Variants in ATRNL1 observed in about 807,000 individuals in gnomAD.
The protein encoded by ATRNL1 is attractin like 1.
ATRNL1 carries 95 observed loss-of-function variants against 182.7 expected under a neutral mutation model. The ratio of observed to expected loss-of-function variants is 0.52; its 90% CI spans 0.44 to 0.62. The LOEUF is 0.62. ATRNL1 is among the 20% of genes least tolerant of loss of function. ATRNL1 has a pLI of 0.00. For missense variants in ATRNL1, 1,471 were observed against 1,679.5 expected, an observed-to-expected ratio of 0.88 and a Z score of 2.17; for synonymous variants, 576 against 568.3, an observed-to-expected ratio of 1.01 and a Z score of -0.19.
At chr10:115,213,991 CTTG>C (rs1849127680) in intron 8 of ATRNL1, among the ~76,000 whole-genome samples, 2 of 151,342 alleles carry the variant, frequency 1.3e-5, no homozygotes, top group African/African-American at 4.8e-5. Flanking sequence ...CCCCAAATGT[CTTG>C]TTAAGTGAAA....
chr10:115,879,130 G>A (rs1951765381), intron 28 of ATRNL1, among the ~76,000 whole-genome samples: 1 of 151,728 alleles, frequency 6.6e-6, no homozygotes, highest in Non-Finnish European at 1.5e-5. Flanking sequence ...GCAAGATCCT[G>A]TTTCTACTAA....
chr10:115,695,966 T>C (rs2133983176), intron 26 of ATRNL1, among the ~76,000 whole-genome samples: 1 of 152,102 alleles, frequency 6.6e-6, no homozygotes, highest in Non-Finnish European at 1.5e-5. Context: ...TGGCATGATC[T>C]TGGCTTACTG....
At chr10:115,573,223 C>G (rs570489287) in intron 26 of ATRNL1, among the ~76,000 whole-genome samples, 46 of 152,212 alleles carry the variant, frequency 3.0e-4, no homozygotes, top group African/African-American at 1.1e-3. Flanking sequence ...GAGCCGGAAG[C>G]AGGGATGGAG....
intron 28 of ATRNL1, among the ~76,000 whole-genome samples, chr10:115,886,168 A>G (rs782130349): frequency 6.6e-6 from 1 of 152,232 alleles, no homozygotes; most frequent in Non-Finnish European, 1.5e-5. Flanking sequence ...TCAAATAGCA[A>G]AAAGCAGTGG....
rs573866923 is a variant in ATRNL1 at position 115,444,027 on chromosome 10, A to G, written c.3322+17725A>G. ...GAGTATTTCTAGATCAAGCAGACAAAATTCAGAAAGAATATCAAAGATCTG... is the reference window on the plus strand; with the variant it reads ...GAGTATTTCTAGATCAAGCAGACAAGATTCAGAAAGAATATCAAAGATCTG... On this transcript the variant is annotated intron_variant, in intron 21 of 28. Coordinates refer to ENST00000355044, the MANE Select transcript of ATRNL1 (RefSeq NM_207303.4). Among the ~76,000 whole-genome samples the G allele has an allele frequency of 3.3e-5, 5 of 152,244 alleles. No individual in the cohort carries two copies. In the South Asian group the frequency reaches 1.0e-3, roughly 32 times the overall value.
intron 24 of ATRNL1, among the ~76,000 whole-genome samples, chr10:115,486,379 C>G (rs1554975153): frequency 6.6e-6 from 1 of 152,088 alleles, no homozygotes; most frequent in African/African-American, 2.4e-5. Context: ...AAAAAGTGTC[C>G]CTATTTCTCC....
intron 13 of ATRNL1, among the ~76,000 whole-genome samples, chr10:115,270,620 G>A (rs1851820363): frequency 6.6e-6 from 1 of 151,908 alleles, no homozygotes; most frequent in Non-Finnish European, 1.5e-5. Flanking sequence ...GATGGTGTAA[G>A]TCTCAGTCCA....
Position 115,850,160 on chromosome 10 carries a change from A to G in ATRNL1, c.4018+2169A>G, listed in dbSNP as rs139608917. Among the ~76,000 whole-genome samples, 455 of 152,300 alleles carry G rather than the reference A, an allele frequency of 3.0e-3. 8 individuals carry two copies. In the East Asian group the frequency reaches 0.048, roughly 16 times the overall value. On this transcript the variant is annotated intron_variant, in intron 28 of 28. Transcript: ENST00000355044. The stretch of plus-strand genomic sequence containing the variant: ...TTTGGAAGATGGGTAAGAGGGGTAG[A>G]TGGACTGATATGTCATAAAGCAAGT...
At chr10:115,325,717 T>C (rs1448121012) in intron 18 of ATRNL1, among the ~76,000 whole-genome samples, 1 of 152,170 alleles carries the variant, frequency 6.6e-6, no homozygotes, top group East Asian at 1.9e-4. Flanking sequence ...GGCATTTTGC[T>C]AGGGAACTTC....
At chr10:115,890,071 A>G (rs139596777) in intron 28 of ATRNL1, among the ~76,000 whole-genome samples, 75 of 152,326 alleles carry the variant, frequency 4.9e-4, no homozygotes, top group African/African-American at 1.8e-3. Context: ...TTGCACAGAT[A>G]AGACTAGCTT....
At chr10:115,105,261 C>A (rs1554865606) in intron 1 of ATRNL1, among the ~76,000 whole-genome samples, 1 of 151,944 alleles carries the variant, frequency 6.6e-6, no homozygotes, top group African/African-American at 2.4e-5. Flanking sequence ...GTTTGTGGAA[C>A]TTTGAACTTC....
At chr10:115,125,952 T>C (rs1245613687) in intron 3 of ATRNL1, among the ~76,000 whole-genome samples, 1 of 152,262 alleles carries the variant, frequency 6.6e-6, no homozygotes, top group Non-Finnish European at 1.5e-5. Context: ...TTACTAGATT[T>C]CAGTTGGTCC....
intron 9 of ATRNL1, among the ~76,000 whole-genome samples, chr10:115,231,351 T>C (rs1437236116): frequency 6.6e-6 from 1 of 152,016 alleles, no homozygotes; most frequent in Admixed American, 6.6e-5. Context: ...AACCAGTGCT[T>C]TTTGCTGAAC....
intron 25 of ATRNL1, among the ~76,000 whole-genome samples, chr10:115,536,020 T>TG (rs1246710964): frequency 6.6e-6 from 1 of 150,670 alleles, no homozygotes; most frequent in Non-Finnish European, 1.5e-5. Context: ...CTGCCCCTAC[T>TG]GGGGGGAGCC....
intron 24 of ATRNL1, among the ~76,000 whole-genome samples, chr10:115,490,937 G>A (rs1169239086): frequency 6.6e-6 from 1 of 152,120 alleles, no homozygotes; most frequent in African/African-American, 2.4e-5. Flanking sequence ...TTTTGTTGAT[G>A]TTGATACTAT....
chr10:115,448,851 C>CA (rs1554967139), intron 21 of ATRNL1, among the ~76,000 whole-genome samples: 116 of 140,350 alleles, frequency 8.3e-4, no homozygotes, highest in African/African-American at 1.2e-3. Flanking sequence ...AATAGCGTGC[C>CA]AACCAACAAC....
chr10:115,532,963 C>G (rs1851688371), intron 25 of ATRNL1, among the ~76,000 whole-genome samples: 2 of 150,708 alleles, frequency 1.3e-5, no homozygotes, highest in South Asian at 2.1e-4. Flanking sequence ...AGGGATGAAG[C>G]CCACTTGATC....
chr10:115,897,680 A>G (rs1225539223), intron 28 of ATRNL1, among the ~76,000 whole-genome samples: 1 of 152,184 alleles, frequency 6.6e-6, no homozygotes, highest in African/African-American at 2.4e-5. Context: ...TGCTGAGCCC[A>G]GGCTGCCAGA....
At chr10:115,568,309 T>G (rs1854186199) in intron 26 of ATRNL1, among the ~76,000 whole-genome samples, 1 of 152,074 alleles carries the variant, frequency 6.6e-6, no homozygotes, top group Non-Finnish European at 1.5e-5. Context: ...CTTTTTTATG[T>G]TAAAAATTTA....
Sources: gnomAD v4.1 joint callset for allele counts (sites outside exome capture counted in the v4.1 genomes callset) on GRCh38, gnomAD v4.1.1 for gene constraint, MANE v1.5 for transcripts, NCBI Gene and HGNC (gene_info 2026-07-23, HGNC 2026-07-21) for gene names.